Variants in PLEKHA3 observed in about 807,000 individuals in gnomAD.
PLEKHA3 encodes pleckstrin homology domain-containing family A member 3.
PLEKHA3 carries 19 observed loss-of-function variants against 39.2 expected under a neutral mutation model. The observed-to-expected ratio is 0.48, with a 90% CI of 0.34 to 0.71. The LOEUF is 0.71. Ranked by LOEUF, PLEKHA3 falls within the 30% of genes least tolerant of loss-of-function variation. The probability of loss-of-function intolerance (pLI) is 0.01; values close to 1 mark genes in which losing one functional copy is unlikely to be tolerated. For synonymous variants in PLEKHA3, 97 were observed against 118.6 expected (o/e 0.82, Z 1.18); for missense variants, 253 against 359.5 (o/e 0.70, Z 2.40).
At chr2:178,489,451 CTTTTTT>C (rs71023445) in intron 2 of PLEKHA3, among the ~76,000 whole-genome samples, 4 of 82,344 alleles carry the variant, frequency 4.9e-5, no homozygotes, top group East Asian at 4.1e-4. Context: ...TCTTTTCCTT[CTTTTTT>C]TTTTTTTTTT....
intron 1 of PLEKHA3, among the ~76,000 whole-genome samples, chr2:178,482,877 T>G (rs1685194135): frequency 6.6e-6 from 1 of 152,210 alleles, no homozygotes; most frequent in African/African-American, 2.4e-5. Context: ...AAGTTAAATT[T>G]GGGTAGATGG....
chr2:178,495,748 A>C, intron 5 of PLEKHA3, 88 bp downstream of exon 5: 1 of 1,416,116 alleles, frequency 7.1e-7, no homozygotes, highest in Non-Finnish European at 9.6e-7. Flanking sequence ...TTAAGGGTGG[A>C]AGCAGGCAGT....
chr2:178,502,390 T>C (rs1685539544), intron 7 of PLEKHA3: 1 of 426,694 alleles, frequency 2.3e-6, no homozygotes, highest in African/African-American at 2.2e-5. Context: ...AGAAAGAAAC[T>C]TTCTTGGGCC....
chr2:178,513,594 G>T lies in PLEKHA3; in HGVS notation c.*9707G>T, dbSNP rs938982930. Reference sequence around the variant, plus strand: ...AGTGTGTGTGCCTGTGTCTCTATCTGTGCATGCATCTGTATGCACAGTTTC... The same window carrying T: ...AGTGTGTGTGCCTGTGTCTCTATCTTTGCATGCATCTGTATGCACAGTTTC... On this transcript the variant is annotated 3_prime_UTR_variant, in exon 8 of 8. Coordinates refer to ENST00000234453, the MANE Select transcript of PLEKHA3 (RefSeq NM_019091.4). The T allele has an allele frequency of 1.3e-5, 2 of 152,112 alleles. No homozygotes were observed. Among genetic ancestry groups the T allele is most frequent in the Admixed American group, 6.5e-5 (1 of 15,286 alleles). 9.4% of individuals were successfully genotyped at this position (152,112 alleles called of 1,614,324 possible).
intron 1 of PLEKHA3, among the ~76,000 whole-genome samples, chr2:178,484,090 A>C (rs1353608693): frequency 6.6e-6 from 1 of 152,148 alleles, no homozygotes; most frequent in Non-Finnish European, 1.5e-5. Flanking sequence ...AAACCAAACA[A>C]AACAACAGCA....
chr2:178,492,880 A>G (rs1685374734), intron 3 of PLEKHA3, among the ~76,000 whole-genome samples: 1 of 152,238 alleles, frequency 6.6e-6, no homozygotes, highest in Non-Finnish European at 1.5e-5. Context: ...TTTGAAGTGA[A>G]TACTTAAAAG....
In PLEKHA3 at chr2:178,480,477, G is replaced by C. The variant is rs774789418; in HGVS notation, c.-393G>C. 6.3e-6 allele frequency: 1 copy of C among 158,484 alleles called. No homozygotes were observed. The highest frequency in any genetic ancestry group is 6.5e-5 in the Admixed American group (1 of 15,452). 9.8% of individuals were successfully genotyped at this position (158,484 alleles called of 1,614,324 possible). A position where few individuals can be genotyped will look rare whatever the true frequency, so the allele number is the denominator to read the frequency against. On this transcript the variant is annotated 5_prime_UTR_variant, in exon 1 of 8. Coordinates refer to ENST00000234453, the MANE Select transcript of PLEKHA3 (RefSeq NM_019091.4). ...CTTTCATCCAGGAAGTGAAATCGACGTCGGGGTCAATGAAAACAAACGGGG... is the reference window on the plus strand; with the variant it reads ...CTTTCATCCAGGAAGTGAAATCGACCTCGGGGTCAATGAAAACAAACGGGG...
Position 178,507,658 on chromosome 2 carries a change from G to GTTTTTTGTTTTTTTTTTT in PLEKHA3, c.*3777_*3778insGTTTTTTTTTTTTTTTTT, listed in dbSNP as rs1685624147. On this transcript the variant is annotated 3_prime_UTR_variant, in exon 8 of 8. Transcript: ENST00000234453. The stretch of plus-strand genomic sequence containing the variant: ...CCTTTAGTTTTTAGTCTCACATTAG[G>GTTTTTTGTTTTTTTTTTT]TTTTTTTTTTTTTTTTTTTTTTTTT... 3.5e-5 allele frequency: 1 copy of GTTTTTTGTTTTTTTTTTT among 28,804 alleles called. No homozygotes were observed. Among genetic ancestry groups the GTTTTTTGTTTTTTTTTTT allele is most frequent in the East Asian group, 7.7e-4 (1 of 1,306 alleles). The allele number at this position is 28,804 out of a possible 1,614,324, so 1.8% of individuals were successfully genotyped here.
chr2:178,500,927 A>G, intron 6 of PLEKHA3, 134 bp from the exon 7 acceptor site: 2 of 644,546 alleles, frequency 3.1e-6, no homozygotes, highest in South Asian at 3.9e-5. Context: ...TCTGAGTAGA[A>G]TGTTGCTAAC....
Position 178,499,217 on chromosome 2 carries a change from C to T in PLEKHA3, c.622C>T (p.Arg208Cys), listed in dbSNP as rs148167412. 83 of 1,603,590 alleles carry T rather than the reference C, an allele frequency of 5.2e-5. 1 individual carries two copies. The Admixed American group carries it at 5.9e-4, about 11-fold the overall frequency. The stretch of plus-strand genomic sequence containing the variant: ...TTTTTTCCAAAATTTCTAGATGAAG[C>T]GTTCTGTCAGCCACCCTGGTTCTTG... ...VSPSPVQMMKRSVSHPGSCSS... is the reference protein window; with the variant it reads ...VSPSPVQMMKCSVSHPGSCSS... Residue 208 changes from arginine to cysteine, a missense_variant, in exon 6 of 8, where the codon CGT (arginine) becomes TGT (cysteine). Physicochemically the swap from Arg to Cys is radical, Grantham distance 180. This residue lies in a region of PLEKHA3 where 127 missense variants were observed against 136.8 expected (regional missense o/e 0.93). Coordinates refer to ENST00000234453, the MANE Select transcript of PLEKHA3 (RefSeq NM_019091.4).
intron 1 of PLEKHA3, among the ~76,000 whole-genome samples, chr2:178,481,519 G>A (rs1177165317): frequency 1.3e-5 from 2 of 152,168 alleles, no homozygotes; most frequent in African/African-American, 4.8e-5. Flanking sequence ...ATACACAGAA[G>A]GGGAACAGGC....
chr2:178,493,164 G>C (rs890707692), intron 3 of PLEKHA3, among the ~76,000 whole-genome samples: 1 of 152,110 alleles, frequency 6.6e-6, no homozygotes, highest in African/African-American at 2.4e-5. Context: ...AAAAGGTATT[G>C]GCTTGTGAGT....
chr2:178,495,431 T>G (rs1461779494), intron 4 of PLEKHA3, 65 bp from the exon 5 acceptor site: 1 of 1,430,210 alleles, frequency 7.0e-7, no homozygotes, highest in Admixed American at 1.9e-5. Context: ...TATTTAATGA[T>G]AAGGTTGTAT....
At chr2:178,484,350 T>C (rs1685215405) in intron 1 of PLEKHA3, among the ~76,000 whole-genome samples, 1 of 152,348 alleles carries the variant, frequency 6.6e-6, no homozygotes, top group Middle Eastern at 3.4e-3. Flanking sequence ...TGCTGGTTTT[T>C]AGTTGCTTTA....
rs1428536142 is a variant in PLEKHA3 at position 178,480,518 on chromosome 2, A to C, written c.-352A>C. On this transcript the variant is annotated 5_prime_UTR_variant, in exon 1 of 8. Transcript: ENST00000234453. ...ACAAACGGGGAGCCCAGGGGGAAGG[A>C]AGGCAGGCGAGGAAGAGGCAGCGCC... 5.4e-6 allele frequency: 1 copy of C among 186,764 alleles called. No homozygotes were observed. The highest frequency in any genetic ancestry group is 2.3e-5 in the African/African-American group (1 of 42,598). 11.6% of individuals were successfully genotyped at this position (186,764 alleles called of 1,614,324 possible). A position where few individuals can be genotyped will look rare whatever the true frequency, so the allele number is the denominator to read the frequency against.
rs890397230 is a variant in PLEKHA3, at chr2:178,507,548, A to G, written c.*3661A>G. The G allele has an allele frequency of 1.3e-5, 2 of 149,466 alleles. No individual in the cohort carries two copies. The highest frequency in any genetic ancestry group is 6.7e-5 in the Admixed American group (1 of 14,906). 9.3% of individuals were successfully genotyped at this position (149,466 alleles called of 1,614,324 possible). On this transcript the variant is annotated 3_prime_UTR_variant, in exon 8 of 8. Coordinates refer to ENST00000234453, the MANE Select transcript of PLEKHA3 (RefSeq NM_019091.4). The stretch of plus-strand genomic sequence containing the variant: ...AAATATTTTGTCATCCTTTAGGGAC[A>G]TTTCTTCCACAGTCCTTCATCTTCT...
rs1474492161 is a variant in PLEKHA3, at chr2:178,507,166, A to C, written c.*3279A>C. ...TTATACTACTTTTTGTTGACTTATC[A>C]ATTTCAGAAACAGTTTCTCGAATAC... On this transcript the variant is annotated 3_prime_UTR_variant, in exon 8 of 8. Transcript: ENST00000234453. 6.6e-6 allele frequency: 1 copy of C among 152,132 alleles called. No homozygotes were observed. The highest frequency in any genetic ancestry group is 1.5e-5 in the Non-Finnish European group (1 of 68,004). 9.4% of individuals were successfully genotyped at this position (152,132 alleles called of 1,614,324 possible).
At chr2:178,502,482 A>G (rs1685540461) in intron 7 of PLEKHA3, 1 of 284,564 alleles carries the variant, frequency 3.5e-6, no homozygotes, top group Non-Finnish European at 7.2e-6. Context: ...TATCTGAGGC[A>G]GGTAAGATAG....
chr2:178,482,970 A>G (rs1334369984), intron 1 of PLEKHA3, among the ~76,000 whole-genome samples: 1 of 152,196 alleles, frequency 6.6e-6, no homozygotes, highest in Non-Finnish European at 1.5e-5. Context: ...GTGTAATGAT[A>G]GTGTTGTTCA....
Sources: gnomAD v4.1 joint callset for allele counts (sites outside exome capture counted in the v4.1 genomes callset) on GRCh38, gnomAD v4.1.1 for gene constraint, gnomAD v4.1.1 regional missense constraint, MANE v1.5 for transcripts, NCBI Gene and HGNC (gene_info 2026-07-23, HGNC 2026-07-21) for gene names.